AUH: variants seen among roughly 807,000 people sequenced by gnomAD.
AUH encodes methylglutaconyl-CoA hydratase, mitochondrial.
Under a neutral mutation model 42.3 loss-of-function variants are expected in AUH, and 29 were observed. The observed-to-expected ratio is 0.69, with a 90% CI of 0.51 to 0.93. The LOEUF is 0.93. Among genes scored for constraint, AUH ranks in the 40% least tolerant of loss-of-function variants. AUH has a pLI of 0.00. For missense variants in AUH, 452 were observed against 438.1 expected, an observed-to-expected ratio of 1.03 and a Z score of -0.28; for synonymous variants, 174 against 166.4, an observed-to-expected ratio of 1.05 and a Z score of -0.35.
At chr9:91,248,227 T>C (rs1425062053) in intron 6 of AUH, among the ~76,000 whole-genome samples, 2 of 152,242 alleles carry the variant, frequency 1.3e-5, no homozygotes, top group Non-Finnish European at 2.9e-5. Flanking sequence ...GTTCATTCTT[T>C]TGCATACGGA....
intron 3 of AUH, among the ~76,000 whole-genome samples, chr9:91,349,511 G>C (rs532466317): frequency 6.6e-6 from 1 of 152,314 alleles, no homozygotes; most frequent in South Asian, 2.1e-4. Context: ...AGATGACGGT[G>C]ATTTCACATT....
intron 5 of AUH, among the ~76,000 whole-genome samples, chr9:91,296,525 G>C (rs1222838856): frequency 1.3e-5 from 2 of 152,168 alleles, no homozygotes; most frequent in African/African-American, 4.8e-5. Flanking sequence ...CAAGTCTTTA[G>C]TTACCTTCTG....
At chr9:91,316,466 T>C (rs1172069045) in intron 4 of AUH, among the ~76,000 whole-genome samples, 1 of 152,242 alleles carries the variant, frequency 6.6e-6, no homozygotes, top group Non-Finnish European at 1.5e-5. Context: ...ATACTTTTCC[T>C]AAGCAGTTAC....
intron 1 of AUH, among the ~76,000 whole-genome samples, chr9:91,360,005 A>G (rs573173929): frequency 6.6e-6 from 1 of 151,778 alleles, no homozygotes; most frequent in Admixed American, 6.6e-5. Context: ...CAGGAAATCA[A>G]GGCTAAAGAA....
intron 3 of AUH, among the ~76,000 whole-genome samples, chr9:91,340,215 T>A (rs1002384635): frequency 6.6e-6 from 1 of 152,164 alleles, no homozygotes; most frequent in African/African-American, 2.4e-5. Flanking sequence ...GGACAGTAAC[T>A]ACCTTCTGCA....
In AUH at chr9:91,326,076, T is replaced by G. The variant is rs549000437; in HGVS notation, c.419-672A>C. ...TGGAATTCCTTAAGGGATAATTAAC[T>G]CTGAGAACAAAGAAGATCTTTAGCA... On this transcript the variant is annotated intron_variant, in intron 3 of 9. Coordinates refer to ENST00000375731, the MANE Select transcript of AUH (RefSeq NM_001698.3). 2.1e-3 allele frequency among the ~76,000 whole-genome samples: 318 copies of G among 152,248 alleles called. 7 individuals are homozygous for G. Among genetic ancestry groups the G allele is most frequent in the Non-Finnish European group, 5.1e-4 (35 of 68,012 alleles).
Position 91,234,809 on chromosome 9 carries a change from C to G in AUH, c.656-13817G>C, listed in dbSNP as rs553379683. 4.7e-5 allele frequency among the ~76,000 whole-genome samples: 7 copies of G among 148,504 alleles called. No homozygotes were observed. The Admixed American group carries it at 4.7e-4, about 10-fold the overall frequency. On this transcript the variant is annotated intron_variant, in intron 6 of 9. Transcript: ENST00000375731. ...AGAAGAGACTGTGAGGAGTGTTACA[C>G]AGAGAATTTCAGGCAGGGAAGAGAG...
At position 91,218,715 on chromosome 9, in the gene AUH, G is replaced by C. The variant is rs150499014; in HGVS notation, c.844-1388C>G. ...TTCCAGTGCCTTTTCTTCTTTACAA[G>C]CCTTTTTTTCTCAGATAAATGGAAG... On this transcript the variant is annotated intron_variant, in intron 7 of 9. Coordinates refer to ENST00000375731, the MANE Select transcript of AUH (RefSeq NM_001698.3). The C allele has an allele frequency of 1.5e-5, 15 of 984,306 alleles. No homozygotes were observed. The East Asian group carries it at 1.7e-3, about 112-fold the overall frequency. The allele number at this position is 984,306 out of a possible 1,614,324, so 61.0% of individuals were successfully genotyped here.
intron 6 of AUH, among the ~76,000 whole-genome samples, chr9:91,285,006 C>T (rs1202761212): frequency 6.6e-6 from 1 of 152,162 alleles, no homozygotes; most frequent in African/African-American, 2.4e-5. Flanking sequence ...AAGACACATG[C>T]ACACGTATGT....
At chr9:91,242,404 C>A (rs563815696) in intron 6 of AUH, among the ~76,000 whole-genome samples, 1 of 152,234 alleles carries the variant, frequency 6.6e-6, no homozygotes, top group East Asian at 1.9e-4. Context: ...AGAGTATTTC[C>A]CAAAGTTCAA....
intron 7 of AUH, among the ~76,000 whole-genome samples, chr9:91,217,674 C>A (rs1236534532): frequency 1.3e-5 from 2 of 152,292 alleles, no homozygotes; most frequent in East Asian, 3.9e-4. Flanking sequence ...TGCCTCAGTA[C>A]CACACCAATT....
chr9:91,310,903 A>G (rs1828653649), intron 4 of AUH, among the ~76,000 whole-genome samples: 1 of 152,200 alleles, frequency 6.6e-6, no homozygotes, highest in African/African-American at 2.4e-5. Context: ...ATGTATGTGC[A>G]TCTATTATAC....
intron 6 of AUH, among the ~76,000 whole-genome samples, chr9:91,257,477 G>A (rs1829468157): frequency 1.3e-5 from 2 of 152,170 alleles, no homozygotes; most frequent in Admixed American, 6.5e-5. Flanking sequence ...CCCCAACAGA[G>A]AGAAGGAATC....
At chr9:91,293,577 C>T (rs1474616585) in intron 6 of AUH, among the ~76,000 whole-genome samples, 1 of 152,172 alleles carries the variant, frequency 6.6e-6, no homozygotes, top group Non-Finnish European at 1.5e-5. Flanking sequence ...AGAGTTAAGT[C>T]TGAGACAAGT....
chr9:91,355,977 A>G lies in AUH; in HGVS notation c.331-7T>C. The G allele has an allele frequency of 1.2e-6, 2 of 1,611,122 alleles. No homozygotes were observed. The highest frequency in any genetic ancestry group is 1.7e-6 in the Non-Finnish European group (2 of 1,177,470). On this transcript the variant is annotated splice_polypyrimidine_tract_variant and splice_region_variant and intron_variant, in intron 2 of 9. Transcript: ENST00000375731. ...CATCCACAGCTTTTGATAGCTAAAC[A>G]GAAATAGGAAGCATAGGAGGAAAAA... is the stretch of plus-strand genomic sequence containing the variant.
At chr9:91,252,297 A>G (rs967541339) in intron 6 of AUH, among the ~76,000 whole-genome samples, 1 of 152,200 alleles carries the variant, frequency 6.6e-6, no homozygotes, top group Admixed American at 6.5e-5. Flanking sequence ...AGTAGTAGGC[A>G]TTTAAAAACA....
intron 6 of AUH, among the ~76,000 whole-genome samples, chr9:91,229,747 C>A (rs1440567530): frequency 4.6e-5 from 7 of 150,916 alleles, no homozygotes; most frequent in African/African-American, 1.7e-4. Flanking sequence ...TTAGGGCAGG[C>A]CTGGTGGTGA....
chr9:91,331,049 A>G (rs1830288328), intron 3 of AUH, among the ~76,000 whole-genome samples: 1 of 152,068 alleles, frequency 6.6e-6, no homozygotes, highest in Non-Finnish European at 1.5e-5. Context: ...AAGTTTCCTG[A>G]TTCCATACGC....
At chr9:91,302,633 G>C (rs1827888495) in intron 4 of AUH, among the ~76,000 whole-genome samples, 1 of 151,416 alleles carries the variant, frequency 6.6e-6, no homozygotes, top group Admixed American at 6.6e-5. Context: ...AGCCAGACAT[G>C]GTGGTGCGTG....
Sources: gnomAD v4.1 joint callset for allele counts (sites outside exome capture counted in the v4.1 genomes callset) on GRCh38, gnomAD v4.1.1 for gene constraint, MANE v1.5 for transcripts, NCBI Gene and HGNC (gene_info 2026-07-23, HGNC 2026-07-21) for gene names.